GALNT13: variants seen among roughly 807,000 people sequenced by gnomAD.
GALNT13 encodes UDP-GalNAc:polypeptide N-acetylgalactosaminyltransferase 13.
In GALNT13, 28 loss-of-function variants were observed where a neutral mutation model predicts 64.2. The observed-to-expected ratio is 0.44, with a 90% CI of 0.32 to 0.60. GALNT13 has a LOEUF of 0.60. Ranked by LOEUF, GALNT13 falls within the 20% of genes least tolerant of loss-of-function variation. GALNT13 has a pLI of 0.05. For synonymous variants in GALNT13, 214 were observed against 224.6 expected, an observed-to-expected ratio of 0.95 and a Z score of 0.42; for missense variants, 577 against 669.8, an observed-to-expected ratio of 0.86 and a Z score of 1.53.
At chr2:154,400,609 C>G (rs2105372261) in intron 10 of GALNT13, among the ~76,000 whole-genome samples, 1 of 152,226 alleles carries the variant, frequency 6.6e-6, no homozygotes, top group East Asian at 1.9e-4. Flanking sequence ...GCATCTTACT[C>G]AAGTAATTGA....
chr2:153,923,509 A>AT (rs553206563), intron 2 of GALNT13, among the ~76,000 whole-genome samples: 12 of 151,540 alleles, frequency 7.9e-5, no homozygotes, highest in South Asian at 2.1e-4. Flanking sequence ...TTGGAATCTG[A>AT]TTTTTTTTGT....
chr2:153,324,476 AC>A, the GALNT13 span, among the ~76,000 whole-genome samples: 2 of 152,134 alleles, frequency 1.3e-5, no homozygotes, highest in Admixed American at 6.6e-5. Flanking sequence ...CCTTGTGAAT[AC>A]CCTCTATTTC....
At chr2:153,586,825 T>C in the GALNT13 span, among the ~76,000 whole-genome samples, 62 of 152,320 alleles carry the variant, frequency 4.1e-4, no homozygotes, top group Non-Finnish European at 6.0e-4. Context: ...CAAAATTTTA[T>C]GAAATATCTT....
chr2:153,298,570 C>T, the GALNT13 span, among the ~76,000 whole-genome samples: 1 of 152,186 alleles, frequency 6.6e-6, no homozygotes, highest in Non-Finnish European at 1.5e-5. Flanking sequence ...TACAGCTTCT[C>T]ACATTTACAA....
chr2:153,802,058 A>G, the GALNT13 span, among the ~76,000 whole-genome samples: 1 of 152,202 alleles, frequency 6.6e-6, no homozygotes, highest in Admixed American at 6.5e-5. Context: ...CAGCCATTAT[A>G]GTCGTGTATC....
At chr2:153,238,278 G>T in the GALNT13 span, among the ~76,000 whole-genome samples, 3 of 151,748 alleles carry the variant, frequency 2.0e-5, no homozygotes, top group Non-Finnish European at 4.4e-5. Flanking sequence ...TAATTCTGTG[G>T]GTGGTTCTCT....
intron 3 of GALNT13, among the ~76,000 whole-genome samples, chr2:154,106,004 G>T (rs1033191641): frequency 6.6e-6 from 1 of 152,130 alleles, no homozygotes; most frequent in African/African-American, 2.4e-5. Flanking sequence ...AGAGACTTAT[G>T]TTAGTCTTTG....
intron 9 of GALNT13, among the ~76,000 whole-genome samples, chr2:154,360,957 A>G (rs1338627335): frequency 6.6e-6 from 1 of 152,090 alleles, no homozygotes; most frequent in Non-Finnish European, 1.5e-5. Context: ...GGGGTTGGTT[A>G]AAAACCTAGG....
intron 4 of GALNT13, among the ~76,000 whole-genome samples, chr2:154,154,567 C>G (rs1684287859): frequency 6.6e-6 from 1 of 152,026 alleles, no homozygotes; most frequent in South Asian, 2.1e-4. Context: ...ATAAGATTCC[C>G]TATTGACTAT....
chr2:153,768,059 C>G, the GALNT13 span, among the ~76,000 whole-genome samples: 12 of 151,912 alleles, frequency 7.9e-5, no homozygotes, highest in Non-Finnish European at 1.3e-4. Context: ...CCTAGTTTTT[C>G]TTCTATGATT....
chr2:153,994,819 C>T (rs543432378), intron 3 of GALNT13, among the ~76,000 whole-genome samples: 1 of 151,958 alleles, frequency 6.6e-6, no homozygotes, highest in Non-Finnish European at 1.5e-5. Context: ...TGGATACTAG[C>T]TTTTTTTCAG....
intron 9 of GALNT13, among the ~76,000 whole-genome samples, chr2:154,352,105 G>GT (rs1463359242): frequency 2.1e-4 from 32 of 152,080 alleles, no homozygotes; most frequent in African/African-American, 7.2e-4. Context: ...ATTTGATTTG[G>GT]TTGCAATGTT....
the GALNT13 span, among the ~76,000 whole-genome samples, chr2:153,758,825 C>G: frequency 9.9e-5 from 15 of 152,258 alleles, no homozygotes; most frequent in Middle Eastern, 6.8e-3. Flanking sequence ...CTCCTGTGCT[C>G]AAGTGATCCA....
chr2:154,344,457 T>C (rs1414006586), intron 9 of GALNT13, among the ~76,000 whole-genome samples: 1 of 94,814 alleles, frequency 1.1e-5, no homozygotes, highest in Non-Finnish European at 2.9e-5. Context: ...TGTGAAGATA[T>C]TAGCTTGACA....
At chr2:153,350,774 C>T in the GALNT13 span, among the ~76,000 whole-genome samples, 46 of 152,066 alleles carry the variant, frequency 3.0e-4, no homozygotes, top group Non-Finnish European at 7.4e-5. Context: ...GTGCAAGCCT[C>T]AATGTACATG....
chr2:154,121,720 T>C (rs762548157), intron 3 of GALNT13, among the ~76,000 whole-genome samples: 1 of 150,210 alleles, frequency 6.7e-6, no homozygotes, highest in Non-Finnish European at 1.5e-5. Flanking sequence ...GCTATAGTCA[T>C]TTATTGGTTT....
At position 154,335,022 on chromosome 2, in the gene GALNT13, T is replaced by C. The variant is rs186275838; in HGVS notation, c.1156+33433T>C. ...GTCTTCTTTTACCCTAGCTAACTTA[T>C]GCTCAGCATAAAAGTCTCTTCACTC... On this transcript the variant is annotated intron_variant, in intron 9 of 12. Coordinates refer to ENST00000392825, the MANE Select transcript of GALNT13 (RefSeq NM_052917.4). Among the ~76,000 whole-genome samples the C allele has an allele frequency of 6.1e-4, 93 of 152,192 alleles. 1 individual carries two copies. The highest frequency in any genetic ancestry group is 4.3e-3 in the Admixed American group (65 of 15,256).
At chr2:154,122,939 T>TG (rs1218180967) in intron 3 of GALNT13, among the ~76,000 whole-genome samples, 13 of 151,484 alleles carry the variant, frequency 8.6e-5, no homozygotes, top group African/African-American at 2.4e-4. Context: ...CATCCAGGGG[T>TG]GGGGGGTAAA....
the GALNT13 span, among the ~76,000 whole-genome samples, chr2:153,393,978 ACACACACACACACC>A: frequency 1.6e-4 from 15 of 91,224 alleles, no homozygotes; most frequent in Non-Finnish European, 2.8e-4. Flanking sequence ...ACACACACAC[ACACACACACACACC>A]CCCTATTGGT....
Sources: allele counts gnomAD v4.1 joint callset (sites outside exome capture counted in the v4.1 genomes callset), GRCh38; gene constraint gnomAD v4.1.1; transcripts MANE v1.5; gene names NCBI Gene and HGNC (gene_info 2026-07-23, HGNC 2026-07-21).